The following HACD3 variants were observed in gnomAD, a reference collection of about 807,000 sequenced individuals.
The protein encoded by HACD3 is 3-hydroxyacyl-CoA dehydratase 3.
A neutral mutation model predicts 55.2 loss-of-function variants in HACD3; 30 were observed. The ratio of observed to expected loss-of-function variants is 0.54; its 90% CI spans 0.41 to 0.74. The LOEUF is 0.74. Among genes scored for constraint, HACD3 ranks in the 30% least tolerant of loss-of-function variants. The pLI is 0.00. For missense variants in HACD3, 363 were observed against 440.1 expected, an observed-to-expected ratio of 0.82 and a Z score of 1.57; for synonymous variants, 141 against 151.7, an observed-to-expected ratio of 0.93 and a Z score of 0.52.
At chr15:65,556,648 T>C (rs2072193317) in intron 3 of HACD3, 91 bp from the exon 4 acceptor site, 11 of 1,287,552 alleles carry the variant, frequency 8.5e-6, no homozygotes, top group Non-Finnish European at 1.2e-5. Flanking sequence ...AGAATAAATA[T>C]ATCCTGCAGC....
intron 3 of HACD3, among the ~76,000 whole-genome samples, chr15:65,555,244 A>T (rs2072177781): frequency 6.6e-6 from 1 of 152,140 alleles, no homozygotes; most frequent in African/African-American, 2.4e-5. Context: ...GAAGGTCTGG[A>T]CTAAGTGATC....
At chr15:65,556,928 C>T in intron 4 of HACD3, 25 bp downstream of exon 4, 1 of 1,590,778 alleles carries the variant, frequency 6.3e-7, no homozygotes, top group Non-Finnish European at 8.6e-7. Flanking sequence ...TAGGATCTAG[C>T]CATTGAGGAC....
intron 7 of HACD3, chr15:65,565,198 G>A (rs1197065273): frequency 6.5e-6 from 1 of 153,474 alleles, no homozygotes; most frequent in Non-Finnish European, 1.4e-5. Context: ...CCTCCCTCCC[G>A]GCTGCTTTCA....
At chr15:65,538,512 T>C (rs998889766) in intron 1 of HACD3, among the ~76,000 whole-genome samples, 1 of 152,188 alleles carries the variant, frequency 6.6e-6, no homozygotes, top group East Asian at 1.9e-4. Flanking sequence ...TTGCTTCTTA[T>C]GGATGAGCAA....
chr15:65,543,585 G>A (rs531940771), intron 1 of HACD3, among the ~76,000 whole-genome samples: 92 of 152,214 alleles, frequency 6.0e-4, no homozygotes, highest in African/African-American at 2.2e-3. Context: ...CTATGACATC[G>A]TTTTTTAAAT....
At chr15:65,549,224 G>A (rs983893807) in intron 1 of HACD3, among the ~76,000 whole-genome samples, 3 of 152,096 alleles carry the variant, frequency 2.0e-5, no homozygotes, top group Non-Finnish European at 2.9e-5. Context: ...TTTGCCTTGC[G>A]AACATTTGCT....
intron 4 of HACD3, 82 bp from the exon 5 acceptor site, chr15:65,558,598 A>G: frequency 7.4e-7 from 1 of 1,359,844 alleles, no homozygotes; most frequent in Non-Finnish European, 1.0e-6. Context: ...AGGGAGTCAG[A>G]TTACTCAGCC....
At chr15:65,535,076 A>G (rs2071941335) in intron 1 of HACD3, among the ~76,000 whole-genome samples, 1 of 152,232 alleles carries the variant, frequency 6.6e-6, no homozygotes, top group Non-Finnish European at 1.5e-5. Flanking sequence ...GCAAAAAGAA[A>G]ATAAGATCCT....
chr15:65,558,959 A>C (rs552701060), intron 5 of HACD3, among the ~76,000 whole-genome samples: 1 of 152,212 alleles, frequency 6.6e-6, no homozygotes, highest in East Asian at 1.9e-4. Flanking sequence ...GAGTACACCA[A>C]GGCTAGTGTA....
At chr15:65,565,349 G>C (rs950804056) in intron 7 of HACD3, 1 of 152,278 alleles carries the variant, frequency 6.6e-6, no homozygotes, top group Non-Finnish European at 1.5e-5. Flanking sequence ...CTGTGTGGGG[G>C]CTCCAACCCC....
chr15:65,556,633 G>A (rs2072193128), intron 3 of HACD3, 106 bp from the exon 4 acceptor site: 11 of 1,199,656 alleles, frequency 9.2e-6, no homozygotes, highest in Non-Finnish European at 1.3e-5. Flanking sequence ...ACCAGAGAAA[G>A]AAGGAGAATA....
chr15:65,576,259 T>G, intron 10 of HACD3, 44 bp from the exon 11 acceptor site: 1 of 1,549,486 alleles, frequency 6.5e-7, no homozygotes, highest in South Asian at 1.2e-5. Flanking sequence ...TGGTTATAAA[T>G]AGACAAAGAC....
chr15:65,563,024 A>G (rs2072258743), intron 6 of HACD3, 140 bp downstream of exon 6: 1 of 1,305,694 alleles, frequency 7.7e-7, no homozygotes, highest in Admixed American at 2.6e-5. Context: ...TTGTGCTTTC[A>G]TAGCTCTTAT....
At chr15:65,571,860 A>G (rs191537297) in intron 9 of HACD3, among the ~76,000 whole-genome samples, 101 of 152,364 alleles carry the variant, frequency 6.6e-4, no homozygotes, top group African/African-American at 2.3e-3. Context: ...TTGGAAAGCC[A>G]GGTGGTTATG....
At chr15:65,569,917 C>G (rs1242015146) in intron 7 of HACD3, among the ~76,000 whole-genome samples, 174 bp from the exon 8 acceptor site, 1 of 152,158 alleles carries the variant, frequency 6.6e-6, no homozygotes, top group Non-Finnish European at 1.5e-5. Flanking sequence ...TGTCTAGTCA[C>G]AAAGACTGGT....
At chr15:65,557,123 G>A in intron 4 of HACD3, among the ~76,000 whole-genome samples, 1 of 152,184 alleles carries the variant, frequency 6.6e-6, no homozygotes, top group African/African-American at 2.4e-5. Flanking sequence ...CTAGACTAAG[G>A]TGATAGATGT....
At chr15:65,567,851 A>G (rs534107315) in intron 7 of HACD3, among the ~76,000 whole-genome samples, 9 of 152,268 alleles carry the variant, frequency 5.9e-5, no homozygotes, top group Admixed American at 4.6e-4. Flanking sequence ...AGTCAAAACC[A>G]TAGAGACAGA....
At chr15:65,531,128 C>G (rs1177735132) in intron 1 of HACD3, 2 of 145,958 alleles carry the variant, frequency 1.4e-5, no homozygotes, top group Admixed American at 7.5e-5. Context: ...CTTGCTGGGC[C>G]GTAGCTGAAT....
chr15:65,572,270 G>A lies in HACD3; in HGVS notation c.916G>A (p.Glu306Lys). The change falls in exon 10 of 11, where the codon GAG becomes AAG. Residue 306 changes from glutamate (E) to lysine (K), a missense_variant. By Grantham distance (56) the Glu-to-Lys change is moderately conservative. Coordinates refer to ENST00000261875, the MANE Select transcript of HACD3 (RefSeq NM_016395.4). ...GATTCAGTCCATTCCAATATTCAAT[G>A]AGACCGGACGATTCAGTTTCACATT... ...SVIQSIPIFN[E>K]TGRFSFTLPY... 1 of 1,612,902 alleles carries A rather than the reference G, an allele frequency of 6.2e-7. No individual in the cohort carries two copies. The highest frequency in any genetic ancestry group is 8.5e-7 in the Non-Finnish European group (1 of 1,179,686).
Sources: gnomAD v4.1 joint callset for allele counts (sites outside exome capture counted in the v4.1 genomes callset) on GRCh38, gnomAD v4.1.1 for gene constraint, MANE v1.5 for transcripts, NCBI Gene and HGNC (gene_info 2026-07-23, HGNC 2026-07-21) for gene names.